OXR1: variants seen among roughly 807,000 people sequenced by gnomAD.
The protein encoded by OXR1 is oxidation resistance 1.
Under a neutral mutation model 104.6 loss-of-function variants are expected in OXR1, and 41 were observed. The observed-to-expected ratio is 0.39, with a 90% confidence interval of 0.31 to 0.51. OXR1 has a LOEUF of 0.51. OXR1 is among the 20% of genes least tolerant of loss of function. OXR1 has a pLI of 0.77. For missense variants in OXR1, 955 were observed against 1,031.9 expected, an observed-to-expected ratio of 0.93 and a Z score of 1.02; for synonymous variants, 348 against 348.4, an observed-to-expected ratio of 1.00 and a Z score of 0.01.
intron 2 of OXR1, among the ~76,000 whole-genome samples, chr8:106,471,057 G>GT (rs1042062223): frequency 6.6e-6 from 1 of 151,666 alleles, no homozygotes; most frequent in Non-Finnish European, 1.5e-5. Context: ...CTTTTGAGGT[G>GT]TTTTTTGGCA....
intron 3 of OXR1, among the ~76,000 whole-genome samples, chr8:106,659,285 C>G (rs1057243621): frequency 2.0e-5 from 3 of 152,170 alleles, no homozygotes; most frequent in Admixed American, 2.0e-4. Flanking sequence ...AGCAGTAAAA[C>G]AGTGAGGACA....
chr8:106,626,301 A>G (rs1822155594), intron 3 of OXR1, among the ~76,000 whole-genome samples: 1 of 151,752 alleles, frequency 6.6e-6, no homozygotes, highest in Admixed American at 6.6e-5. Context: ...TATGCAGATG[A>G]TAAGATGAAG....
intron 4 of OXR1, among the ~76,000 whole-genome samples, chr8:106,680,993 T>C (rs1028545031): frequency 1.3e-5 from 2 of 152,204 alleles, no homozygotes; most frequent in Admixed American, 6.5e-5. Flanking sequence ...ATGTCTTCTC[T>C]TGAGTCTTAG....
At chr8:106,744,642 C>T (rs1028734636) in intron 15 of OXR1, among the ~76,000 whole-genome samples, 4 of 152,092 alleles carry the variant, frequency 2.6e-5, no homozygotes, top group Non-Finnish European at 5.9e-5. Flanking sequence ...TGTGGCTTGA[C>T]TAACACAAAT....
At chr8:106,595,149 T>A (rs561230881) in intron 3 of OXR1, among the ~76,000 whole-genome samples, 1 of 152,358 alleles carries the variant, frequency 6.6e-6, no homozygotes, top group African/African-American at 2.4e-5. Flanking sequence ...AACCAACTTC[T>A]GTTCTCTAGA....
chr8:106,334,242 A>T (rs866412901), intron 1 of OXR1, among the ~76,000 whole-genome samples: 64 of 152,234 alleles, frequency 4.2e-4, no homozygotes, highest in African/African-American at 1.5e-3. Flanking sequence ...AGTTTTTTTT[A>T]AATTTAATTT....
chr8:106,375,223 A>G (rs1816860617), intron 2 of OXR1, among the ~76,000 whole-genome samples: 1 of 152,216 alleles, frequency 6.6e-6, no homozygotes. Context: ...ATGGAAAACT[A>G]GCTAGATATT....
chr8:106,478,814 C>T (rs1447416099), intron 2 of OXR1, among the ~76,000 whole-genome samples: 1 of 151,748 alleles, frequency 6.6e-6, no homozygotes, highest in African/African-American at 2.4e-5. Flanking sequence ...AAAAGGTTTT[C>T]CTGCAAGCAA....
At chr8:106,292,392 A>G (rs1467199892) in intron 1 of OXR1, among the ~76,000 whole-genome samples, 1 of 152,144 alleles carries the variant, frequency 6.6e-6, no homozygotes, top group Non-Finnish European at 1.5e-5. Context: ...GGAAAACAAA[A>G]TTTGTGTTAG....
intron 1 of OXR1, among the ~76,000 whole-genome samples, chr8:106,293,965 A>ATTTTTTTTTTTT (rs61559960): frequency 2.4e-5 from 3 of 124,348 alleles, no homozygotes; most frequent in Admixed American, 8.6e-5. Context: ...TGACAGTTTA[A>ATTTTTTTTTTTT]TTTTTTTTTT....
intron 3 of OXR1, among the ~76,000 whole-genome samples, chr8:106,550,668 C>G (rs1815732263): frequency 6.6e-6 from 1 of 152,122 alleles, no homozygotes; most frequent in African/African-American, 2.4e-5. Flanking sequence ...TGCTCTTGAT[C>G]ATTCTCTCTC....
intron 2 of OXR1, among the ~76,000 whole-genome samples, chr8:106,503,339 A>G (rs1287382531): frequency 6.6e-6 from 1 of 152,148 alleles, no homozygotes; most frequent in East Asian, 1.9e-4. Context: ...GGTACCTTTT[A>G]CTCCCTCATT....
At chr8:106,688,615 A>T (rs1587095569) in intron 6 of OXR1, among the ~76,000 whole-genome samples, 1 of 152,242 alleles carries the variant, frequency 6.6e-6, no homozygotes, top group East Asian at 1.9e-4. Flanking sequence ...TACTGTGTTC[A>T]TTTCAGAATT....
At chr8:106,335,757 A>AT (rs1222067374) in intron 1 of OXR1, among the ~76,000 whole-genome samples, 12 of 152,064 alleles carry the variant, frequency 7.9e-5, no homozygotes, top group African/African-American at 2.4e-5. Context: ...TAAAAGAGTG[A>AT]TTTTTTAATT....
At chr8:106,465,963 A>T (rs931727193) in intron 2 of OXR1, among the ~76,000 whole-genome samples, 1 of 151,960 alleles carries the variant, frequency 6.6e-6, no homozygotes, top group Non-Finnish European at 1.5e-5. Context: ...TGCAAATGAG[A>T]CTGACTCAGA....
Position 106,473,819 on chromosome 8 carries a change from A to G in OXR1, c.24-45124A>G, listed in dbSNP as rs143183854. On this transcript the variant is annotated intron_variant, in intron 2 of 16. Transcript: ENST00000517566. ...TACTCTTAAGAAAAATCAGATACGG[A>G]GCCTCATTTTCTTTCATATTCTGTC... Among the ~76,000 whole-genome samples the G allele has an allele frequency of 5.4e-3, 796 of 148,226 alleles. 6 individuals carry two copies. Among genetic ancestry groups the G allele is most frequent in the Non-Finnish European group, 8.3e-3 (555 of 67,206 alleles).
chr8:106,502,183 G>A (rs1156734394), intron 2 of OXR1, among the ~76,000 whole-genome samples: 1 of 152,150 alleles, frequency 6.6e-6, no homozygotes, highest in Admixed American at 6.5e-5. Context: ...GCTTCCCAGG[G>A]CCTGTGCTTA....
At chr8:106,501,512 T>G (rs1171032482) in intron 2 of OXR1, among the ~76,000 whole-genome samples, 2 of 152,170 alleles carry the variant, frequency 1.3e-5, no homozygotes, top group African/African-American at 4.8e-5. Flanking sequence ...TGCTCTTCGT[T>G]TGCAGAATGG....
At chr8:106,710,996 A>T (rs1831628151) in intron 10 of OXR1, among the ~76,000 whole-genome samples, 1 of 152,138 alleles carries the variant, frequency 6.6e-6, no homozygotes. Context: ...TTATTTAAAA[A>T]TGTGAACAAA....
Sources: gnomAD v4.1 joint callset for allele counts (sites outside exome capture counted in the v4.1 genomes callset) on GRCh38, gnomAD v4.1.1 for gene constraint, MANE v1.5 for transcripts, NCBI Gene and HGNC (gene_info 2026-07-23, HGNC 2026-07-21) for gene names.